Variants in OR4Q3 observed in about 807,000 individuals in gnomAD.
OR4Q3 encodes the protein olfactory receptor family 4 subfamily Q member 3.
A neutral mutation model predicts 18.8 loss-of-function variants in OR4Q3; 17 were observed. The ratio of observed to expected loss-of-function variants is 0.91; its 90% CI spans 0.62 to 1.36. OR4Q3 has a LOEUF of 1.36. Among genes scored for constraint, OR4Q3 ranks in the 40% most tolerant of loss-of-function variants. The pLI is 0.00. For synonymous variants in OR4Q3, 158 were observed against 145.8 expected, an observed-to-expected ratio of 1.08 and a Z score of -0.60; for missense variants, 378 against 373.4, an observed-to-expected ratio of 1.01 and a Z score of -0.10.
At chr14:19,748,440 G>A in exon 2 of OR4Q3, 1 of 1,139,220 alleles carries the variant, frequency 8.8e-7, no homozygotes, top group Non-Finnish European at 1.2e-6. Flanking sequence ...CTTGTACATG[G>A]GTAAAAACCA....
downstream of OR4Q3, among the ~76,000 whole-genome samples, chr14:19,751,729 TTGTAA>T: frequency 6.6e-6 from 1 of 152,116 alleles, no homozygotes; most frequent in African/African-American, 2.4e-5. Flanking sequence ...GTGGGATCAG[TTGTAA>T]TGTCATTTTT....
chr14:19,749,849 T>C, downstream of OR4Q3, among the ~76,000 whole-genome samples: 1 of 1,854 alleles, frequency 5.4e-4, no homozygotes, highest in East Asian at 0.011. Flanking sequence ...ACAGATTACT[T>C]CTTTCTTTCT....
chr14:19,748,048 G>C lies in OR4Q3; in HGVS notation c.645G>C (p.Leu215=). Residue 215 remains leucine, a synonymous_variant, in exon 2 of 2, where the codon CTG becomes CTC. Transcript: ENST00000642117. ...TGGTGATAGCCAACAGTGGTCTGCT[G>C]TCTCTTGTCTGCTTCTTGGTCTTAC... The C allele has an allele frequency of 6.8e-3, 10,886 of 1,612,166 alleles. 88 individuals carry two copies. Among genetic ancestry groups the C allele is most frequent in the Non-Finnish European group, 6.7e-3 (7,843 of 1,178,280 alleles).
Position 19,748,311 on chromosome 14 carries a change from T to C in OR4Q3, c.908T>C (p.Met303Thr). The change falls in exon 2 of 2, where the codon ATG becomes ACG. Residue 303 changes from methionine (M) to threonine (T), a missense_variant. Physicochemically the swap from Met to Thr is moderately conservative, Grantham distance 81 (BLOSUM62 -1). Transcript: ENST00000642117. Reference sequence around the variant, plus strand: ...ATCTACACACTCAGAAATACTGATATGAAGACAGCTATGAAGAAGCTGAGG... The same window carrying C: ...ATCTACACACTCAGAAATACTGATACGAAGACAGCTATGAAGAAGCTGAGG... 2.5e-6 allele frequency: 4 copies of C among 1,613,690 alleles called. No homozygotes were observed. In the South Asian group the frequency reaches 3.3e-5, roughly 13 times the overall value.
At chr14:19,751,335 GTT>G, downstream of OR4Q3, among the ~76,000 whole-genome samples, 186 of 152,302 alleles carry the variant, frequency 1.2e-3, no homozygotes, top group African/African-American at 4.2e-3. Context: ...TTGGCCTGAT[GTT>G]TTCTTTCTTT....
At chr14:19,748,912 T>A in exon 2 of OR4Q3, 1 of 154,810 alleles carries the variant, frequency 6.5e-6, no homozygotes, top group Non-Finnish European at 1.4e-5. Context: ...GTCCCAAGTT[T>A]TAGAAATGTA....
chr14:19,748,210 GC>G lies in OR4Q3; in HGVS notation c.809del (p.Pro270LeufsTer17). The G allele has an allele frequency of 2.5e-6, 4 of 1,614,034 alleles. No individual in the cohort carries two copies. The highest frequency in any genetic ancestry group is 3.4e-6 in the Non-Finnish European group (4 of 1,179,962). ...TGCCATGCGTATTCATCTATTTGAGGCCTTTCTGCAGCTTCTCTGTGGATAA... is the reference window on the plus strand; with the variant it reads ...TGCCATGCGTATTCATCTATTTGAGGCTTTCTGCAGCTTCTCTGTGGATAA... On this transcript the variant is annotated frameshift_variant, in exon 2 of 2. Transcript: ENST00000642117. LOFTEE classifies it high-confidence loss of function.
downstream of OR4Q3, among the ~76,000 whole-genome samples, chr14:19,751,958 C>G: frequency 1.3e-5 from 2 of 152,112 alleles, no homozygotes; most frequent in African/African-American, 4.8e-5. Flanking sequence ...TTTCTAATTC[C>G]TTGAGGTGCA....
exon 2 of OR4Q3, chr14:19,747,431 A>G: frequency 1.9e-6 from 3 of 1,593,922 alleles, no homozygotes; most frequent in Non-Finnish European, 2.6e-6. Flanking sequence ...TGGCTTGATG[A>G]AAAAAGAACA....
downstream of OR4Q3, among the ~76,000 whole-genome samples, chr14:19,751,206 T>A: frequency 2.0e-5 from 3 of 152,358 alleles, no homozygotes; most frequent in African/African-American, 7.2e-5. Context: ...TTTTCAAGTC[T>A]CTGTTTGTTT....
chr14:19,747,716 G>A, exon 2 of OR4Q3: 1 of 1,613,888 alleles, frequency 6.2e-7, no homozygotes, highest in Non-Finnish European at 8.5e-7. Context: ...CTCTTTTTCA[G>A]GATGCCTGGC....
At chr14:19,748,041 G>A in exon 2 of OR4Q3, 1 of 1,613,902 alleles carries the variant, frequency 6.2e-7, no homozygotes, top group Admixed American at 1.7e-5. Context: ...GCCAACAGTG[G>A]TCTGCTGTCT....
chr14:19,748,766 G>A lies in OR4Q3; in HGVS notation c.*397G>A. The A allele has an allele frequency of 1.9e-4, 34 of 183,346 alleles. No homozygotes were observed. In the Middle Eastern group the frequency reaches 9.0e-3, roughly 49 times the overall value. The allele number at this position is 183,346 out of a possible 1,614,324, so 11.4% of individuals were successfully genotyped here. ...CCTCCAGCATTTAATGATTCCTAGT[G>A]TTAGGAAGTTCCTTCTGATGTCTCA... On this transcript the variant is annotated 3_prime_UTR_variant, in exon 2 of 2. Coordinates refer to ENST00000642117, the Ensembl canonical transcript of OR4Q3.
At chr14:19,746,547 G>C in intron 1 of OR4Q3, among the ~76,000 whole-genome samples, 1 of 152,080 alleles carries the variant, frequency 6.6e-6, no homozygotes, top group African/African-American at 2.4e-5. Context: ...CATGGCTCTT[G>C]GTCTCTTCTC....
chr14:19,747,717 G>C, exon 2 of OR4Q3: 4 of 1,613,780 alleles, frequency 2.5e-6, no homozygotes, highest in Non-Finnish European at 2.5e-6. Context: ...TCTTTTTCAG[G>C]ATGCCTGGCC....
chr14:19,747,814 C>A, exon 2 of OR4Q3: 1,752 of 1,613,512 alleles, frequency 1.1e-3, no homozygotes, highest in Middle Eastern at 8.3e-4. Context: ...CCATCTGTAA[C>A]CCTTTGCGCT....
intron 1 of OR4Q3, among the ~76,000 whole-genome samples, chr14:19,746,840 G>T: frequency 6.6e-6 from 1 of 152,206 alleles, no homozygotes; most frequent in African/African-American, 2.4e-5. Flanking sequence ...TTGAGCTTCT[G>T]CTATGCAGTA....
chr14:19,746,539 T>C, intron 1 of OR4Q3, among the ~76,000 whole-genome samples: 6 of 152,198 alleles, frequency 3.9e-5, no homozygotes. Flanking sequence ...ATATGGGTCA[T>C]GGCTCTTGGT....
downstream of OR4Q3, among the ~76,000 whole-genome samples, chr14:19,749,680 C>T: frequency 7.0e-6 from 1 of 143,474 alleles, no homozygotes; most frequent in African/African-American, 2.6e-5. Flanking sequence ...TTTTATTTCT[C>T]CTCAGAAAGA....
Sources: allele counts gnomAD v4.1 joint callset (sites outside exome capture counted in the v4.1 genomes callset), GRCh38; gene constraint gnomAD v4.1.1; transcripts MANE v1.5; gene names NCBI Gene and HGNC (gene_info 2026-07-23, HGNC 2026-07-21).